Variants in GALNT17 observed in about 807,000 individuals in gnomAD.
GALNT17 encodes polypeptide N-acetylgalactosaminyltransferase 17, also known as UDP-GalNAc:polypeptide N-acetylgalactosaminyltransferase-like 3.
In GALNT17, 29 loss-of-function variants were observed where a neutral mutation model predicts 63.7. That is an observed-to-expected ratio of 0.46 (90% CI 0.34 to 0.62). The LOEUF (loss-of-function observed/expected upper bound fraction) is 0.62. Among genes scored for constraint, GALNT17 ranks in the 20% least tolerant of loss-of-function variants. The pLI is 0.01. For synonymous variants in GALNT17, 305 were observed against 318.3 expected, an observed-to-expected ratio of 0.96 and a Z score of 0.45; for missense variants, 603 against 799.6, an observed-to-expected ratio of 0.75 and a Z score of 2.97.
intron 1 of GALNT17, among the ~76,000 whole-genome samples, chr7:71,237,670 G>A (rs185775355): frequency 1.3e-5 from 2 of 152,152 alleles, no homozygotes; most frequent in Non-Finnish European, 2.9e-5. Context: ...GGGTGACAGA[G>A]TGATACCCTT....
intron 9 of GALNT17, among the ~76,000 whole-genome samples, chr7:71,705,730 A>G (rs1237921013): frequency 2.0e-5 from 3 of 152,176 alleles, no homozygotes; most frequent in African/African-American, 4.8e-5. Context: ...AAGACCTGAA[A>G]GGAGAGGTCT....
At chr7:71,533,203 T>C (rs1172375619) in intron 5 of GALNT17, among the ~76,000 whole-genome samples, 1 of 152,102 alleles carries the variant, frequency 6.6e-6, no homozygotes, top group Non-Finnish European at 1.5e-5. Flanking sequence ...TGTTAAACTA[T>C]AAGGGAACAA....
rs770690227 is a variant in GALNT17, at chr7:71,710,860, C to T, written c.1600C>T (p.Arg534Trp). 3.2e-5 allele frequency: 52 copies of T among 1,613,788 alleles called. No homozygotes were observed. The highest frequency in any genetic ancestry group is 1.3e-4 in the East Asian group (6 of 44,896). The change falls in exon 10 of 11, where the codon CGG becomes TGG. Residue 534 changes from arginine to tryptophan, a missense_variant. Arg to Trp is a moderately radical substitution (Grantham distance 101). This residue lies in a region of GALNT17 where 336 missense variants were observed against 507.8 expected (regional missense o/e 0.66). Coordinates refer to ENST00000333538, the MANE Select transcript of GALNT17 (RefSeq NM_022479.3). ...TRCLVDNSKS[R>W]LPQLLDCDKV... ...CTGCCTGGTGGACAACTCCAAGAGT[C>T]GGCTGCCCCAGCTCCTGGACTGCGA...
At chr7:71,368,915 C>T (rs1427211856) in intron 2 of GALNT17, among the ~76,000 whole-genome samples, 2 of 109,500 alleles carry the variant, frequency 1.8e-5, no homozygotes, top group South Asian at 2.9e-4. Flanking sequence ...CCAGTTTCCT[C>T]GGGGGTGGGG....
At chr7:71,526,193 G>A (rs924569882) in intron 5 of GALNT17, among the ~76,000 whole-genome samples, 9 of 152,136 alleles carry the variant, frequency 5.9e-5, no homozygotes, top group African/African-American at 2.2e-4. Flanking sequence ...ATTCTTGGTA[G>A]GATGTTAGAC....
chr7:71,479,661 T>G (rs1230090607), intron 5 of GALNT17, among the ~76,000 whole-genome samples: 1 of 152,126 alleles, frequency 6.6e-6, no homozygotes, highest in African/African-American at 2.4e-5. Context: ...TGCCCAGAGA[T>G]TGTAAAATCT....
intron 5 of GALNT17, among the ~76,000 whole-genome samples, chr7:71,458,309 T>C (rs1787390200): frequency 6.6e-6 from 1 of 152,218 alleles, no homozygotes; most frequent in Non-Finnish European, 1.5e-5. Flanking sequence ...CAGGATGTGC[T>C]GCAGGGGCAT....
chr7:71,235,281 G>A (rs953290019), intron 1 of GALNT17, among the ~76,000 whole-genome samples: 3 of 151,758 alleles, frequency 2.0e-5, no homozygotes, highest in South Asian at 2.1e-4. Context: ...TGGTCTGTTC[G>A]TTTTAGGTGT....
At chr7:71,217,269 C>A (rs1408584431) in intron 1 of GALNT17, among the ~76,000 whole-genome samples, 1 of 151,550 alleles carries the variant, frequency 6.6e-6, no homozygotes, top group Non-Finnish European at 1.5e-5. Flanking sequence ...GCCATTGTGC[C>A]CGGTGCTTTT....
At chr7:71,319,441 G>A (rs548785236) in intron 1 of GALNT17, among the ~76,000 whole-genome samples, 2 of 152,142 alleles carry the variant, frequency 1.3e-5, no homozygotes, top group East Asian at 3.9e-4. Context: ...CAGTTGGTGT[G>A]TCCAGGGCTC....
rs541159244 is a variant in GALNT17, at chr7:71,466,618, T to G, written c.962+45513T>G. Among the ~76,000 whole-genome samples the G allele has an allele frequency of 1.5e-3, 225 of 152,290 alleles. 10 individuals are homozygous for G. In the South Asian group the frequency reaches 0.043, roughly 29 times the overall value. ...ACACTTTTTGTGGTCCAAAGAGAGA[T>G]ATTTACCATCTATTCTCTCTGATGC... On this transcript the variant is annotated intron_variant, in intron 5 of 10. Coordinates refer to ENST00000333538, the MANE Select transcript of GALNT17 (RefSeq NM_022479.3).
intron 6 of GALNT17, among the ~76,000 whole-genome samples, chr7:71,574,868 A>G (rs1417820173): frequency 6.6e-6 from 1 of 152,078 alleles, no homozygotes; most frequent in Non-Finnish European, 1.5e-5. Context: ...TGGCAAATGC[A>G]TGTCCTTTAG....
chr7:71,533,959 A>C (rs1055442069), intron 5 of GALNT17, among the ~76,000 whole-genome samples: 1 of 152,190 alleles, frequency 6.6e-6, no homozygotes, highest in Non-Finnish European at 1.5e-5. Flanking sequence ...GTGGCAAAAC[A>C]GGAATTCGGA....
chr7:71,279,433 A>C (rs1483749457), intron 1 of GALNT17, among the ~76,000 whole-genome samples: 1 of 151,660 alleles, frequency 6.6e-6, no homozygotes, highest in East Asian at 2.0e-4. Context: ...GGGAATTAAA[A>C]TTCAAGATGA....
chr7:71,361,506 A>G (rs766704195), intron 2 of GALNT17, among the ~76,000 whole-genome samples: 3 of 152,006 alleles, frequency 2.0e-5, no homozygotes, highest in Non-Finnish European at 2.9e-5. Flanking sequence ...ACAAATACCT[A>G]TTGTATATTT....
chr7:71,493,062 ATGCT>A (rs1788036537), intron 5 of GALNT17, among the ~76,000 whole-genome samples: 3 of 152,258 alleles, frequency 2.0e-5, no homozygotes, highest in Non-Finnish European at 4.4e-5. Context: ...GTTTTGATGT[ATGCT>A]ACAGCTCATG....
chr7:71,180,033 A>G (rs1788708049), intron 1 of GALNT17, among the ~76,000 whole-genome samples: 2 of 152,378 alleles, frequency 1.3e-5, no homozygotes, highest in East Asian at 3.9e-4. Flanking sequence ...TTGATATAAA[A>G]AACTGTACTT....
chr7:71,280,908 G>A (rs531175064), intron 1 of GALNT17, among the ~76,000 whole-genome samples: 2 of 152,290 alleles, frequency 1.3e-5, no homozygotes, highest in South Asian at 2.1e-4. Context: ...TGATCCCCAT[G>A]GGTTGGGGTT....
chr7:71,702,648 G>C (rs1261076759), intron 9 of GALNT17, among the ~76,000 whole-genome samples: 1 of 152,174 alleles, frequency 6.6e-6, no homozygotes, highest in East Asian at 1.9e-4. Flanking sequence ...CAGTCACTCT[G>C]GATGGTGTGT....
Sources: allele counts gnomAD v4.1 joint callset (sites outside exome capture counted in the v4.1 genomes callset), GRCh38; gene constraint gnomAD v4.1.1; regional missense constraint gnomAD v4.1.1; transcripts MANE v1.5; gene names NCBI Gene and HGNC (gene_info 2026-07-23, HGNC 2026-07-21).